Variants in OR9Q1 observed in about 807,000 individuals in gnomAD.
OR9Q1 encodes olfactory receptor family 9 subfamily Q member 1, also known as olfactory receptor 9Q1.
For missense variants in OR9Q1, 374 were observed against 378.8 expected (o/e 0.99, Z 0.11); for synonymous variants, 153 against 148.6 (o/e 1.03, Z -0.22).
At chr11:58,030,033 G>C (rs916254010) in intron 1 of OR9Q1, among the ~76,000 whole-genome samples, 2 of 151,928 alleles carry the variant, frequency 1.3e-5, no homozygotes, top group Admixed American at 6.6e-5. Context: ...ATAGAGACAG[G>C]GTTTCACAAT....
At chr11:58,108,728 T>G in intron 2 of OR9Q1, 1 of 219,940 alleles carries the variant, frequency 4.5e-6, no homozygotes, top group South Asian at 7.4e-5. Context: ...GCTACATTCG[T>G]TGGAAATTGG....
chr11:58,131,795 C>T (rs188771990), intron 2 of OR9Q1, among the ~76,000 whole-genome samples: 25 of 152,212 alleles, frequency 1.6e-4, no homozygotes, highest in Non-Finnish European at 2.2e-4. Context: ...AGTCTCAATA[C>T]TTTTCAGGGT....
intron 2 of OR9Q1, among the ~76,000 whole-genome samples, chr11:58,148,986 C>T (rs967317863): frequency 1.3e-5 from 2 of 152,168 alleles, no homozygotes; most frequent in African/African-American, 4.8e-5. Flanking sequence ...GTGAGGTTTT[C>T]TGAAAATAGT....
chr11:58,079,213 A>C (rs1473739083), intron 2 of OR9Q1, among the ~76,000 whole-genome samples: 1 of 151,874 alleles, frequency 6.6e-6, no homozygotes. Context: ...GTACCACCGC[A>C]ACCATCACTC....
At chr11:58,109,176 G>T (rs950121687) in intron 2 of OR9Q1, 2 of 490,348 alleles carry the variant, frequency 4.1e-6, no homozygotes, top group South Asian at 3.0e-5. Flanking sequence ...GGGTGAAGGT[G>T]CACGTGGTAT....
chr11:58,079,514 C>A (rs1328203171), intron 2 of OR9Q1, among the ~76,000 whole-genome samples: 2 of 152,154 alleles, frequency 1.3e-5, no homozygotes, highest in African/African-American at 4.8e-5. Context: ...CGAAGCAACT[C>A]TCATCGAAAG....
chr11:58,058,552 T>C (rs1853348603), intron 2 of OR9Q1, among the ~76,000 whole-genome samples: 1 of 152,314 alleles, frequency 6.6e-6, no homozygotes, highest in Admixed American at 6.5e-5. Context: ...AGGGGTTATA[T>C]GTGAAGGAGG....
intron 2 of OR9Q1, among the ~76,000 whole-genome samples, chr11:58,156,148 G>T (rs983952114): frequency 7.9e-5 from 12 of 152,076 alleles, no homozygotes; most frequent in African/African-American, 2.9e-4. Flanking sequence ...GCTGACCTCA[G>T]GTGATCCACC....
chr11:58,158,200 G>C (rs943189440), intron 2 of OR9Q1, among the ~76,000 whole-genome samples: 3 of 152,050 alleles, frequency 2.0e-5, no homozygotes, highest in African/African-American at 7.3e-5. Context: ...AACTTTCTCT[G>C]TTTCTATGGT....
chr11:58,055,058 G>A (rs1312508273), intron 1 of OR9Q1, among the ~76,000 whole-genome samples: 1 of 152,300 alleles, frequency 6.6e-6, no homozygotes, highest in Middle Eastern at 3.4e-3. Flanking sequence ...GGGAGGAACT[G>A]GTTCTAGAGT....
chr11:58,124,921 AAAG>A (rs1854073946), intron 2 of OR9Q1, among the ~76,000 whole-genome samples: 1 of 152,148 alleles, frequency 6.6e-6, no homozygotes, highest in Non-Finnish European at 1.5e-5. Flanking sequence ...ATCCTACAAA[AAAG>A]GTATTATTTT....
intron 2 of OR9Q1, chr11:58,078,628 C>A (rs2120035957): frequency 6.6e-6 from 1 of 152,310 alleles, no homozygotes; most frequent in South Asian, 2.1e-4. Context: ...TGCTTGCTCT[C>A]TGAGATTGGA....
intron 2 of OR9Q1, among the ~76,000 whole-genome samples, chr11:58,070,310 C>T (rs182520357): frequency 2.0e-5 from 3 of 152,038 alleles, no homozygotes; most frequent in African/African-American, 4.8e-5. Context: ...ACCACCATGT[C>T]TGGCTCCAGT....
chr11:58,037,886 T>C (rs1299573407), intron 1 of OR9Q1, among the ~76,000 whole-genome samples: 1 of 121,196 alleles, frequency 8.3e-6, no homozygotes, highest in Admixed American at 8.5e-5. Flanking sequence ...GCCTGGCTAA[T>C]TTTTTTTGTT....
chr11:58,042,973 T>C (rs1853180717), intron 1 of OR9Q1, among the ~76,000 whole-genome samples: 1 of 152,218 alleles, frequency 6.6e-6, no homozygotes. Context: ...GTGAGAATGC[T>C]TGTGATTTTT....
intron 1 of OR9Q1, chr11:58,026,960 T>C (rs1248384991): frequency 1.3e-5 from 2 of 152,230 alleles, no homozygotes; most frequent in South Asian, 4.1e-4. Context: ...TGAATTCATT[T>C]CTTGAGTCTC....
chr11:58,027,064 T>G (rs984278947), intron 1 of OR9Q1, among the ~76,000 whole-genome samples: 11 of 152,234 alleles, frequency 7.2e-5, no homozygotes, highest in Non-Finnish European at 1.3e-4. Context: ...TTTGGGTTTC[T>G]GATTTGGAAT....
intron 1 of OR9Q1, chr11:58,044,080 A>C (rs1853192715): frequency 6.6e-6 from 1 of 152,216 alleles, no homozygotes; most frequent in Non-Finnish European, 1.5e-5. Context: ...CAAATGTTAA[A>C]CTAAGTACAG....
chr11:58,029,612 G>A (rs1853009506), intron 1 of OR9Q1, among the ~76,000 whole-genome samples: 1 of 152,074 alleles, frequency 6.6e-6, no homozygotes, highest in Non-Finnish European at 1.5e-5. Flanking sequence ...TGGAACTCTT[G>A]TATTATCTGT....
Sources: allele counts gnomAD v4.1 joint callset (sites outside exome capture counted in the v4.1 genomes callset), GRCh38; gene constraint gnomAD v4.1.1; transcripts MANE v1.5; gene names NCBI Gene and HGNC (gene_info 2026-07-23, HGNC 2026-07-21).